Variants in PLCXD1 observed in about 807,000 individuals in gnomAD.
PLCXD1 encodes PI-PLC X domain-containing protein 1.
Under a neutral mutation model 37.8 loss-of-function variants are expected in PLCXD1, and 45 were observed. The observed-to-expected ratio is 1.19, with a 90% CI of 0.94 to 1.53. The LOEUF is 1.53. Ranked by LOEUF, PLCXD1 falls within the 40% of genes most tolerant of loss-of-function variation. The pLI is 0.00. For missense variants in PLCXD1, 539 were observed against 454.7 expected, an observed-to-expected ratio of 1.19 and a Z score of -1.69; for synonymous variants, 246 against 206.9, an observed-to-expected ratio of 1.19 and a Z score of -1.62.
intron 2 of PLCXD1, among the ~76,000 whole-genome samples, chrX:286,959 G>A (rs978340554): frequency 5.9e-5 from 9 of 151,940 alleles, no homozygotes; most frequent in Non-Finnish European, 1.2e-4. Context: ...AATGCCTCTC[G>A]GGGTCTGGGG....
chrX:302,277 C>CA lies in PLCXD1; in HGVS notation c.*2942_*2943insA, dbSNP rs1232882798. 6.6e-6 allele frequency: 1 copy of CA among 152,234 alleles called. No individual in the cohort carries two copies. Among genetic ancestry groups the CA allele is most frequent in the Non-Finnish European group, 1.5e-5 (1 of 68,152 alleles). 9.4% of individuals were successfully genotyped at this position (152,234 alleles called of 1,614,324 possible). On this transcript the variant is annotated 3_prime_UTR_variant, in exon 7 of 7. Coordinates refer to ENST00000381657, the MANE Select transcript of PLCXD1 (RefSeq NM_018390.4). ...CCTACAGGTACAAGGGAGACCCCCC[C>CA]CCCACGGAAGGCGCCCCCAGTCCGT...
At chrX:279,050 G>A (rs974253879), upstream of PLCXD1, among the ~76,000 whole-genome samples, 1 of 152,094 alleles carries the variant, frequency 6.6e-6, no homozygotes, top group Admixed American at 6.6e-5. Context: ...AATAGGAGTT[G>A]GGTAGGTAAT....
At chrX:294,399 G>T (rs1420531924) in intron 6 of PLCXD1, among the ~76,000 whole-genome samples, 1 of 150,780 alleles carries the variant, frequency 6.6e-6, no homozygotes, top group Non-Finnish European at 1.5e-5. Context: ...GGAGAATGGT[G>T]TGAACTCGGG....
In PLCXD1 at chrX:289,862, G is replaced by A. The variant is rs773715611; in HGVS notation, c.265-786G>A. ...CAAGACAGACAAGGACTCATTTCTCGTGTCTTTAGGACCTGAGGCGGGTCT... is the reference window on the plus strand; with the variant it reads ...CAAGACAGACAAGGACTCATTTCTCATGTCTTTAGGACCTGAGGCGGGTCT... On this transcript the variant is annotated intron_variant, in intron 3 of 6. Coordinates refer to ENST00000381657, the MANE Select transcript of PLCXD1 (RefSeq NM_018390.4). 8.5e-5 allele frequency among the ~76,000 whole-genome samples: 13 copies of A among 152,104 alleles called. No homozygotes were observed. The South Asian group carries it at 2.1e-3, about 24-fold the overall frequency.
At chrX:288,623 G>A in intron 2 of PLCXD1, 110 bp from the exon 3 acceptor site, 1 of 1,181,582 alleles carries the variant, frequency 8.5e-7, no homozygotes, top group Non-Finnish European at 1.3e-6. Flanking sequence ...ACCTGTGCCT[G>A]TGCTGTGGGC....
At chrX:282,396 AC>A (rs1569564356) in intron 1 of PLCXD1, among the ~76,000 whole-genome samples, 93 of 104,560 alleles carry the variant, frequency 8.9e-4, no homozygotes, top group African/African-American at 3.6e-3. Context: ...AAAAAACAAA[AC>A]AAAACAAAAA....
chrX:300,560 ATATGTG>A lies in PLCXD1; in HGVS notation c.*1234_*1239del, dbSNP rs1191698584. 4 of 142,756 alleles carry A rather than the reference ATATGTG, an allele frequency of 2.8e-5. No individual in the cohort carries two copies. Among genetic ancestry groups the A allele is most frequent in the East Asian group, 4.2e-4 (2 of 4,736 alleles). 8.8% of individuals were successfully genotyped at this position (142,756 alleles called of 1,614,324 possible). ...CATACATGTATATGTGTATGCATGT[ATATGTG>A]TATGTGTACATGTATATGTGTTTAT... On this transcript the variant is annotated 3_prime_UTR_variant, in exon 7 of 7. Coordinates refer to ENST00000381657, the MANE Select transcript of PLCXD1 (RefSeq NM_018390.4).
intron 2 of PLCXD1, among the ~76,000 whole-genome samples, chrX:287,141 TAGTG>T (rs2069471051): frequency 6.6e-6 from 1 of 151,552 alleles, no homozygotes; most frequent in Non-Finnish European, 1.5e-5. Context: ...CTGGGCAACA[TAGTG>T]AGGCCCCATC....
At chrX:292,700 C>T (rs1260187085) in intron 5 of PLCXD1, among the ~76,000 whole-genome samples, 2 of 151,882 alleles carry the variant, frequency 1.3e-5, no homozygotes, top group Non-Finnish European at 1.5e-5. Context: ...GCAACCTCTG[C>T]CTCCCAGGTT....
At chrX:289,939 C>T (rs2124357468) in intron 3 of PLCXD1, among the ~76,000 whole-genome samples, 1 of 152,232 alleles carries the variant, frequency 6.6e-6, no homozygotes, top group South Asian at 2.1e-4. Flanking sequence ...GAGACAGGCC[C>T]CTTTCTCCCT....
At chrX:296,869 A>G (rs1383004626) in intron 6 of PLCXD1, among the ~76,000 whole-genome samples, 36 of 148,894 alleles carry the variant, frequency 2.4e-4, no homozygotes, top group African/African-American at 8.6e-4. Context: ...CTTTGGGGAC[A>G]TTATTCTGTC....
intron 2 of PLCXD1, among the ~76,000 whole-genome samples, chrX:287,216 C>G (rs2069472846): frequency 1.4e-5 from 2 of 145,354 alleles, no homozygotes; most frequent in African/African-American, 2.6e-5. Flanking sequence ...TATATATAAA[C>G]ATACATATTT....
chrX:297,406 C>A (rs373393081), intron 6 of PLCXD1, among the ~76,000 whole-genome samples: 1,986 of 23,738 alleles, frequency 0.084, 63 homozygotes, highest in Non-Finnish European at 0.098. Flanking sequence ...ATCTTTGGGG[C>A]CATTATTCTG....
intron 3 of PLCXD1, among the ~76,000 whole-genome samples, chrX:290,173 A>G (rs1265084488): frequency 6.6e-6 from 1 of 151,752 alleles, no homozygotes; most frequent in Non-Finnish European, 1.5e-5. Flanking sequence ...CACGCCTGTA[A>G]TCCCAGCACT....
At chrX:297,029 T>C (rs28447032) in intron 6 of PLCXD1, among the ~76,000 whole-genome samples, 923 of 27,258 alleles carry the variant, frequency 0.034, 285 homozygotes, top group Middle Eastern at 0.11. Flanking sequence ...ATCCTGTCTA[T>C]CACATGGGGA....
Position 293,049 on chromosome X carries a change from G to A in PLCXD1, c.564G>A (p.Leu188=). 1 of 1,608,262 alleles carries A rather than the reference G, an allele frequency of 6.2e-7. No individual in the cohort carries two copies. Among genetic ancestry groups the A allele is most frequent in the South Asian group, 1.1e-5 (1 of 90,830 alleles). Residue 188 remains leucine (L), a synonymous_variant, in exon 6 of 7, where the codon CTG becomes CTA. Transcript: ENST00000381657. ...MLCPRGEVPT[L]RQLWSRGQQV... ...GTCCTTTGCAGGAGGTGCCGACACT[G>A]CGGCAGCTGTGGTCCCGGGGCCAAC...
Position 293,060 on chromosome X carries a change from G to A in PLCXD1, c.575G>A (p.Trp192Ter). 1 of 1,609,672 alleles carries A rather than the reference G, an allele frequency of 6.2e-7. No homozygotes were observed. Among genetic ancestry groups the A allele is most frequent in the Non-Finnish European group, 8.5e-7 (1 of 1,178,350 alleles). ...GAGGTGCCGACACTGCGGCAGCTGT[G>A]GTCCCGGGGCCAACAGGTCATCGTC... ...RGEVPTLRQLWSRGQQVIVSY... is the reference protein window; with the variant it reads ...RGEVPTLRQL The change falls in exon 6 of 7, where the codon TGG (tryptophan) becomes TAG (stop). Residue 192 changes from tryptophan (W) to a stop codon, truncating the protein, a stop_gained. Transcript: ENST00000381657. LOFTEE classifies it high-confidence loss of function.
chrX:279,871 C>T (rs1309170223), upstream of PLCXD1, among the ~76,000 whole-genome samples: 1 of 151,622 alleles, frequency 6.6e-6, no homozygotes, highest in Admixed American at 6.6e-5. Flanking sequence ...TGTTTTTGAA[C>T]GGGAGTCTCA....
intron 2 of PLCXD1, among the ~76,000 whole-genome samples, chrX:285,725 A>T (rs775433562): frequency 6.6e-6 from 1 of 152,080 alleles, no homozygotes; most frequent in Non-Finnish European, 1.5e-5. Context: ...ACACATGCAC[A>T]CTCACATATA....
Sources: gnomAD v4.1 joint callset for allele counts (sites outside exome capture counted in the v4.1 genomes callset) on GRCh38, gnomAD v4.1.1 for gene constraint, MANE v1.5 for transcripts, NCBI Gene and HGNC (gene_info 2026-07-23, HGNC 2026-07-21) for gene names.